The following ZPBP variants were observed in gnomAD, a reference collection of about 807,000 sequenced individuals.
ZPBP encodes zona pellucida-binding protein 1.
In ZPBP, 26 loss-of-function variants were observed where a neutral mutation model predicts 44.8. The observed-to-expected ratio is 0.58, with a 90% CI of 0.43 to 0.81. The LOEUF (loss-of-function observed/expected upper bound fraction) is 0.81. ZPBP is among the 30% of genes least tolerant of loss of function. The pLI, the probability that ZPBP is intolerant of heterozygous loss-of-function variation, is 0.00. For missense variants in ZPBP, 409 were observed against 434.0 expected, an observed-to-expected ratio of 0.94 and a Z score of 0.51; for synonymous variants, 174 against 153.2, an observed-to-expected ratio of 1.14 and a Z score of -1.00.
At chr7:49,882,392 G>A (rs1022764938) in intron 2 of ZPBP, among the ~76,000 whole-genome samples, 1 of 152,128 alleles carries the variant, frequency 6.6e-6, no homozygotes, top group Non-Finnish European at 1.5e-5. Flanking sequence ...ACCATCCACT[G>A]TCTTTATTTT....
intron 2 of ZPBP, among the ~76,000 whole-genome samples, chr7:49,893,632 C>T (rs1311345710): frequency 2.0e-5 from 2 of 101,442 alleles, no homozygotes; most frequent in Non-Finnish European, 4.1e-5. Context: ...TCTTAGGAAA[C>T]CAGTTTTTTT....
At chr7:49,939,351 T>C (rs1038037768) in intron 7 of ZPBP, among the ~76,000 whole-genome samples, 3 of 152,210 alleles carry the variant, frequency 2.0e-5, no homozygotes, top group African/African-American at 7.2e-5. Flanking sequence ...TTCTAGTTAC[T>C]ATTCTTAGAA....
intron 5 of ZPBP, among the ~76,000 whole-genome samples, chr7:50,028,659 A>T (rs4917005): frequency 0.74 from 110,121 of 149,322 alleles, 40,587 homozygotes; most frequent in East Asian, 0.87. Context: ...AATCCATTTT[A>T]AAAAAAAAAA....
intron 4 of ZPBP, among the ~76,000 whole-genome samples, chr7:50,042,107 G>T (rs987620653): frequency 5.3e-5 from 8 of 152,132 alleles, no homozygotes; most frequent in African/African-American, 1.9e-4. Flanking sequence ...AATAAAGCAT[G>T]AAGACAAGAT....
chr7:49,927,358 A>G (rs2128749168), intron 1 of ZPBP, among the ~76,000 whole-genome samples: 1 of 152,292 alleles, frequency 6.6e-6, no homozygotes. Context: ...AGAGTCCAAA[A>G]TTACAGAGAC....
chr7:50,049,952 A>G (rs1021209827), intron 4 of ZPBP, among the ~76,000 whole-genome samples: 1 of 152,082 alleles, frequency 6.6e-6, no homozygotes, highest in Non-Finnish European at 1.5e-5. Context: ...AGGTGGCAGG[A>G]TACAAAATCA....
intron 2 of ZPBP, among the ~76,000 whole-genome samples, chr7:49,860,541 G>C (rs1173929931): frequency 6.6e-6 from 1 of 152,222 alleles, no homozygotes; most frequent in Non-Finnish European, 1.5e-5. Context: ...TGTGGCCACT[G>C]TGAATAATGC....
At chr7:49,954,790 T>C (rs1457001349) in intron 7 of ZPBP, among the ~76,000 whole-genome samples, 1 of 152,092 alleles carries the variant, frequency 6.6e-6, no homozygotes, top group African/African-American at 2.4e-5. Flanking sequence ...TTTCAAACAT[T>C]CCGTTCTCAA....
chr7:49,858,396 T>C (rs1265461694), intron 2 of ZPBP, among the ~76,000 whole-genome samples: 10 of 152,104 alleles, frequency 6.6e-5, no homozygotes, highest in Admixed American at 5.9e-4. Flanking sequence ...TGAGTTCATG[T>C]CCTTTGTAGG....
intron 6 of ZPBP, among the ~76,000 whole-genome samples, chr7:49,994,291 G>A (rs1049874048): frequency 2.0e-5 from 3 of 152,168 alleles, no homozygotes; most frequent in Non-Finnish European, 4.4e-5. Flanking sequence ...AGAACCATCT[G>A]TAAACCAGGC....
At chr7:49,947,634 A>G (rs765275071) in intron 7 of ZPBP, among the ~76,000 whole-genome samples, 5 of 152,200 alleles carry the variant, frequency 3.3e-5, no homozygotes, top group Non-Finnish European at 7.3e-5. Context: ...GGCAACCACC[A>G]CCTGTGACTG....
At chr7:49,889,638 C>A (rs1488541847) in intron 2 of ZPBP, among the ~76,000 whole-genome samples, 2 of 152,190 alleles carry the variant, frequency 1.3e-5, no homozygotes, top group African/African-American at 4.8e-5. Flanking sequence ...TCCATGCAGA[C>A]CCTTTTTGCT....
intron 2 of ZPBP, among the ~76,000 whole-genome samples, chr7:49,891,536 C>T (rs1320167145): frequency 2.0e-5 from 3 of 152,104 alleles, no homozygotes; most frequent in African/African-American, 7.2e-5. Context: ...TCCAAACAAT[C>T]AGTCATCAAG....
chr7:50,041,791 C>A (rs914020297), intron 4 of ZPBP, among the ~76,000 whole-genome samples: 1 of 152,140 alleles, frequency 6.6e-6, no homozygotes, highest in Admixed American at 6.5e-5. Flanking sequence ...CAACTCCTCA[C>A]CAGCAAGGGA....
chr7:49,968,137 C>T (rs1796137903), intron 7 of ZPBP, among the ~76,000 whole-genome samples: 1 of 151,816 alleles, frequency 6.6e-6, no homozygotes, highest in Non-Finnish European at 1.5e-5. Context: ...AGAATTATAA[C>T]ACATTTCTAT....
intron 1 of ZPBP, among the ~76,000 whole-genome samples, chr7:49,910,956 GAA>G (rs2128742496): frequency 6.6e-6 from 1 of 152,312 alleles, no homozygotes. Context: ...TAATGTATGG[GAA>G]AGTTTGAAAA....
intron 2 of ZPBP, among the ~76,000 whole-genome samples, chr7:49,890,771 G>A (rs913098416): frequency 6.6e-6 from 1 of 151,408 alleles, no homozygotes; most frequent in African/African-American, 2.4e-5. Flanking sequence ...AGAGAACAAA[G>A]GACTTGAAGG....
In ZPBP at chr7:50,065,336, T is replaced by C. The variant is rs181521926; in HGVS notation, c.335-7195A>G. The stretch of plus-strand genomic sequence containing the variant: ...GGGTGCCTTCCAAGCATTTGGAGCC[T>C]CTAGTTGATCTCAAGAGTGGCTTAG... On this transcript the variant is annotated intron_variant, in intron 3 of 7. Coordinates refer to ENST00000046087, the MANE Select transcript of ZPBP (RefSeq NM_007009.3). 7.3e-4 allele frequency among the ~76,000 whole-genome samples: 110 copies of C among 150,960 alleles called. 9 individuals are homozygous for C. The highest frequency in any genetic ancestry group is 3.4e-3 in the Middle Eastern group (1 of 290).
chr7:50,000,019 T>G (rs903270680), intron 6 of ZPBP, among the ~76,000 whole-genome samples: 2 of 152,090 alleles, frequency 1.3e-5, no homozygotes, highest in Non-Finnish European at 2.9e-5. Context: ...GGAGGGTAGA[T>G]AGAAGTAAAT....
Sources: allele counts gnomAD v4.1 joint callset (sites outside exome capture counted in the v4.1 genomes callset), GRCh38; gene constraint gnomAD v4.1.1; transcripts MANE v1.5; gene names NCBI Gene and HGNC (gene_info 2026-07-23, HGNC 2026-07-21).